EZH2: variants seen among roughly 807,000 people sequenced by gnomAD.
EZH2 encodes the protein enhancer of zeste 2 polycomb repressive complex 2 subunit, also known as histone-lysine N-methyltransferase EZH2.
Under a neutral mutation model 98.4 loss-of-function variants are expected in EZH2, and 18 were observed. The ratio of observed to expected loss-of-function variants is 0.18; its 90% CI spans 0.13 to 0.27. EZH2 has a LOEUF of 0.27. Ranked by LOEUF, EZH2 falls within the 10% of genes least tolerant of loss-of-function variation. The probability of loss-of-function intolerance (pLI) is 1.00; values close to 1 mark genes in which losing one functional copy is unlikely to be tolerated. For missense variants in EZH2, 470 were observed against 935.1 expected (o/e 0.50, Z 6.49); for synonymous variants, 338 against 312.3 (o/e 1.08, Z -0.87).
rs1279934547 is a variant in EZH2, at chr7:148,807,529, G to C, written c.*117C>G. The stretch of plus-strand genomic sequence containing the variant: ...CTCATTACTATAAATTATTCTTACA[G>C]TACTTTGCAAATTCAGAATTTCAAA... On this transcript the variant is annotated 3_prime_UTR_variant, in exon 20 of 20. Transcript: ENST00000320356. 2.4e-6 allele frequency: 2 copies of C among 822,370 alleles called. No homozygotes were observed. The highest frequency in any genetic ancestry group is 4.0e-6 in the Non-Finnish European group (2 of 494,454). The allele number at this position is 822,370 out of a possible 1,614,324, so 50.9% of individuals were successfully genotyped here.
chr7:148,879,172 C>A lies in EZH2; in HGVS notation c.-8+4992G>T, dbSNP rs536345725. ...CCCAGGAGGCAGAGGTTGCAGTGAG[C>A]CGAGATCACGCCACTGCACTCCAGC... On this transcript the variant is annotated intron_variant, in intron 1 of 19. Coordinates refer to ENST00000320356, the MANE Select transcript of EZH2 (RefSeq NM_004456.5). 1.6e-3 allele frequency among the ~76,000 whole-genome samples: 243 copies of A among 152,100 alleles called. 2 individuals carry two copies. Among genetic ancestry groups the A allele is most frequent in the African/African-American group, 5.8e-3 (239 of 41,468 alleles).
chr7:148,884,085 G>A (rs1279853610), intron 1 of EZH2, 79 bp downstream of exon 1: 3 of 152,028 alleles, frequency 2.0e-5, no homozygotes, highest in African/African-American at 7.3e-5. Context: ...CAGTGGCGGG[G>A]AGGTCCTGGC....
At chr7:148,843,635 G>T (rs1386652870) in intron 3 of EZH2, among the ~76,000 whole-genome samples, 1 of 107,800 alleles carries the variant, frequency 9.3e-6, no homozygotes, top group African/African-American at 3.8e-5. Flanking sequence ...TCGCTCTGTC[G>T]CCCAGGCTGG....
At chr7:148,816,947 T>C in intron 11 of EZH2, 169 bp from the exon 12 acceptor site, 1 of 607,030 alleles carries the variant, frequency 1.6e-6, no homozygotes, top group Non-Finnish European at 2.9e-6. Flanking sequence ...TAGCTGTAAT[T>C]ATATTCTGGT....
intron 13 of EZH2, 62 bp from the exon 14 acceptor site, chr7:148,815,101 A>G (rs936466080): frequency 6.3e-7 from 1 of 1,577,118 alleles, no homozygotes; most frequent in Non-Finnish European, 8.6e-7. Flanking sequence ...ATCATACACA[A>G]TTAACACGAG....
chr7:148,818,210 A>G, intron 9 of EZH2, 93 bp from the exon 10 acceptor site: 1 of 1,273,222 alleles, frequency 7.9e-7, no homozygotes, highest in Non-Finnish European at 1.1e-6. Context: ...AGGTTAGTCA[A>G]AAAATGTATC....
At chr7:148,809,584 C>T (rs1233832306) in intron 17 of EZH2, among the ~76,000 whole-genome samples, 194 bp from the exon 18 acceptor site, 1 of 151,714 alleles carries the variant, frequency 6.6e-6, no homozygotes, top group Non-Finnish European at 1.5e-5. Context: ...AAATTAATCA[C>T]CTATAATTCA....
chr7:148,877,248 C>T (rs939802904), intron 1 of EZH2, among the ~76,000 whole-genome samples: 12 of 152,132 alleles, frequency 7.9e-5, no homozygotes, highest in Admixed American at 2.0e-4. Flanking sequence ...GGGATCAATA[C>T]GCTTTCATTT....
Position 148,851,325 on chromosome 7 carries a change from T to C in EZH2, c.-7-4020A>G, listed in dbSNP as rs769101309. 8.5e-5 allele frequency among the ~76,000 whole-genome samples: 13 copies of C among 152,236 alleles called. No homozygotes were observed. The South Asian group carries it at 1.7e-3, about 19-fold the overall frequency. On this transcript the variant is annotated intron_variant, in intron 1 of 19. Transcript: ENST00000320356. ...TCAGCCTAAAACTCAGTTTCCGGAA[T>C]TTCTTTTTTAAAAGGAAGCTGATAT...
chr7:148,864,406 G>A (rs374559393), intron 1 of EZH2, among the ~76,000 whole-genome samples: 1 of 152,176 alleles, frequency 6.6e-6, no homozygotes, highest in Admixed American at 6.5e-5. Flanking sequence ...TTTTCAGCTG[G>A]GGGCCATGGC....
intron 6 of EZH2, among the ~76,000 whole-genome samples, chr7:148,827,818 T>C (rs1028095406): frequency 2.0e-4 from 31 of 152,078 alleles, no homozygotes; most frequent in African/African-American, 6.3e-4. Context: ...TCCCCTCAAA[T>C]AGAAAATGGA....
intron 3 of EZH2, among the ~76,000 whole-genome samples, chr7:148,840,540 T>C (rs1812157728): frequency 6.6e-6 from 1 of 152,210 alleles, no homozygotes; most frequent in Non-Finnish European, 1.5e-5. Context: ...TTCTGTGTTA[T>C]CTAAATTTTT....
At position 148,870,215 on chromosome 7, in the gene EZH2, T is replaced by G. The variant is rs941317928; in HGVS notation, c.-8+13949A>C. 3.3e-5 allele frequency among the ~76,000 whole-genome samples: 5 copies of G among 152,360 alleles called. No individual in the cohort carries two copies. The East Asian group carries it at 5.8e-4, about 18-fold the overall frequency. On this transcript the variant is annotated intron_variant, in intron 1 of 19. Coordinates refer to ENST00000320356, the MANE Select transcript of EZH2 (RefSeq NM_004456.5). ...TCTGCCATCTACAGGGCCTGCTCAA[T>G]TACTCTAGAAAAGTATTTCCCAACC...
intron 1 of EZH2, among the ~76,000 whole-genome samples, chr7:148,858,522 A>C (rs552675790): frequency 6.6e-6 from 1 of 151,884 alleles, no homozygotes; most frequent in Non-Finnish European, 1.5e-5. Flanking sequence ...ATATAATTCT[A>C]CTTTTTCAAT....
At chr7:148,876,420 T>C (rs1366002025) in intron 1 of EZH2, 1 of 152,208 alleles carries the variant, frequency 6.6e-6, no homozygotes, top group Non-Finnish European at 1.5e-5. Context: ...CCTCAAATCA[T>C]ACCCTTCAAA....
intron 1 of EZH2, among the ~76,000 whole-genome samples, chr7:148,881,860 G>A (rs1230694779): frequency 6.6e-6 from 1 of 151,450 alleles, no homozygotes; most frequent in Non-Finnish European, 1.5e-5. Context: ...CTTAAACCCG[G>A]GAGGCAGAGA....
chr7:148,817,395 C>G lies in EZH2; in HGVS notation c.1241-4G>C. 1 of 1,611,686 alleles carries G rather than the reference C, an allele frequency of 6.2e-7. No homozygotes were observed. Among genetic ancestry groups the G allele is most frequent in the East Asian group, 2.2e-5 (1 of 44,846 alleles). ...GTTTGACACCGAGAATTTGCTTCTA[C>G]AAAACCAAATGTAAGCACTGGTCAA... On this transcript the variant is annotated splice_region_variant and splice_polypyrimidine_tract_variant and intron_variant, in intron 10 of 19. Coordinates refer to ENST00000320356, the MANE Select transcript of EZH2 (RefSeq NM_004456.5).
intron 14 of EZH2, among the ~76,000 whole-genome samples, chr7:148,814,562 C>CT (rs1231782586): frequency 6.6e-6 from 1 of 152,186 alleles, no homozygotes; most frequent in Admixed American, 6.5e-5. Flanking sequence ...CCTCCTAACT[C>CT]TGACGATTTC....
chr7:148,875,532 A>T (rs1466931013), intron 1 of EZH2, among the ~76,000 whole-genome samples: 6 of 152,212 alleles, frequency 3.9e-5, no homozygotes, highest in Non-Finnish European at 8.8e-5. Flanking sequence ...TCATCTGAGA[A>T]ACACAAACCC....
Sources: allele counts gnomAD v4.1 joint callset (sites outside exome capture counted in the v4.1 genomes callset), GRCh38; gene constraint gnomAD v4.1.1; transcripts MANE v1.5; gene names NCBI Gene and HGNC (gene_info 2026-07-23, HGNC 2026-07-21).